NCOA3: variants seen among roughly 807,000 people sequenced by gnomAD.
NCOA3 encodes the protein nuclear receptor coactivator 3, also known as CBP-interacting protein.
NCOA3 carries 51 observed loss-of-function variants against 158.8 expected under a neutral mutation model. The ratio of observed to expected loss-of-function variants is 0.32; its 90% CI spans 0.26 to 0.41. The LOEUF (loss-of-function observed/expected upper bound fraction) is 0.41. Ranked by LOEUF, NCOA3 falls within the 10% of genes least tolerant of loss-of-function variation. NCOA3 has a pLI of 1.00. For missense variants in NCOA3, 1,510 were observed against 1,746.6 expected, an observed-to-expected ratio of 0.86 and a Z score of 2.41; for synonymous variants, 537 against 592.4, an observed-to-expected ratio of 0.91 and a Z score of 1.36.
intron 1 of NCOA3, among the ~76,000 whole-genome samples, chr20:47,531,379 G>C (rs116258477): frequency 4.0e-5 from 6 of 151,806 alleles, no homozygotes; most frequent in African/African-American, 1.5e-4. Flanking sequence ...AGAAATTGGG[G>C]AATTCAAGAT....
Position 47,637,290 on chromosome 20 carries a change from T to C in NCOA3, c.2377-358T>C, listed in dbSNP as rs558641360. Among the ~76,000 whole-genome samples, 159 of 152,336 alleles carry C rather than the reference T, an allele frequency of 1.0e-3. 1 individual carries two copies. Among genetic ancestry groups the C allele is most frequent in the Admixed American group, 3.1e-3 (47 of 15,306 alleles). On this transcript the variant is annotated intron_variant, in intron 12 of 22. Coordinates refer to ENST00000371998, the MANE Select transcript of NCOA3 (RefSeq NM_181659.3). ...TATGAACATCCCAGCTTGCTCCTTT[T>C]ATTATTAATCACACTTATTTTCAGA...
intron 2 of NCOA3, among the ~76,000 whole-genome samples, chr20:47,614,187 AT>A (rs2086094769): frequency 6.6e-6 from 1 of 152,172 alleles, no homozygotes; most frequent in African/African-American, 2.4e-5. Flanking sequence ...AAGGGTATGA[AT>A]GACGGATTGA....
At chr20:47,523,061 CT>C (rs1165066809) in intron 1 of NCOA3, among the ~76,000 whole-genome samples, 2 of 151,878 alleles carry the variant, frequency 1.3e-5, no homozygotes, top group African/African-American at 4.9e-5. Context: ...TGGCCTACAC[CT>C]GTAGTCCCAG....
rs115591324 is a variant in NCOA3 at position 47,524,139 on chromosome 20, A to G, written c.-99+22120A>G. Among the ~76,000 whole-genome samples, 755 of 152,354 alleles carry G rather than the reference A, an allele frequency of 5.0e-3. 8 individuals carry two copies. Among genetic ancestry groups the G allele is most frequent in the African/African-American group, 0.017 (717 of 41,582 alleles). On this transcript the variant is annotated intron_variant, in intron 1 of 22. Coordinates refer to ENST00000371998, the MANE Select transcript of NCOA3 (RefSeq NM_181659.3). Reference sequence around the variant, plus strand: ...GACATTTTACTCCTGTTAAAAGCAGAAACTTCCTGTTCCCAGAAGAGGCCT... The same window carrying G: ...GACATTTTACTCCTGTTAAAAGCAGGAACTTCCTGTTCCCAGAAGAGGCCT...
At chr20:47,602,000 C>T (rs538294845) in intron 2 of NCOA3, among the ~76,000 whole-genome samples, 1 of 152,274 alleles carries the variant, frequency 6.6e-6, no homozygotes, top group South Asian at 2.1e-4. Context: ...ATATATTTTC[C>T]ATCATGTATT....
Position 47,639,605 on chromosome 20 carries a change from T to C in NCOA3, c.2736T>C (p.Thr912=). ...GGCCAAACCGAAATGTGACTGTGAC[T>C]CAGACTCCTTCCTCAGGAGACTGGG... is the stretch of plus-strand genomic sequence containing the variant. ...MGGPNRNVTV[T]QTPSSGDWGL... is the part of the protein sequence containing the mutation. Residue 912 remains threonine (T), a synonymous_variant, in exon 15 of 23, where the codon ACT becomes ACC. Transcript: ENST00000371998. The C allele has an allele frequency of 6.2e-7, 1 of 1,613,756 alleles. No individual in the cohort carries two copies.
Position 47,638,990 on chromosome 20 carries a change from G to T in NCOA3, c.2513-18G>T, listed in dbSNP as rs761800169. On this transcript the variant is annotated intron_variant, in intron 13 of 22. Coordinates refer to ENST00000371998, the MANE Select transcript of NCOA3 (RefSeq NM_181659.3). Reference sequence around the variant, plus strand: ...TATTAAATCACGAAGAAATGTTTTTGTATTGTGTTTTCAACAGGTTTGAAA... The same window carrying T: ...TATTAAATCACGAAGAAATGTTTTTTTATTGTGTTTTCAACAGGTTTGAAA... 1 of 1,562,026 alleles carries T rather than the reference G, an allele frequency of 6.4e-7. No individual in the cohort carries two copies. Among genetic ancestry groups the T allele is most frequent in the South Asian group, 1.2e-5 (1 of 82,950 alleles).
At chr20:47,632,260 G>T (rs1202160197) in intron 8 of NCOA3, among the ~76,000 whole-genome samples, 1 of 152,212 alleles carries the variant, frequency 6.6e-6, no homozygotes, top group Non-Finnish European at 1.5e-5. Flanking sequence ...AAATGTATAG[G>T]AGAAGGTATT....
chr20:47,536,910 TCTC>T (rs1473454695), intron 1 of NCOA3, among the ~76,000 whole-genome samples: 1 of 151,714 alleles, frequency 6.6e-6, no homozygotes, highest in Non-Finnish European at 1.5e-5. Flanking sequence ...TTCAAGCAAT[TCTC>T]CTGCCTCAGC....
At chr20:47,568,723 G>A (rs2085240658) in intron 1 of NCOA3, among the ~76,000 whole-genome samples, 1 of 151,866 alleles carries the variant, frequency 6.6e-6, no homozygotes, top group African/African-American at 2.4e-5. Flanking sequence ...TTGAACCTGG[G>A]AGGCAGAAGC....
Position 47,507,188 on chromosome 20 carries a change from G to A in NCOA3, c.-99+5169G>A, listed in dbSNP as rs80153186. On this transcript the variant is annotated intron_variant, in intron 1 of 22. Coordinates refer to ENST00000371998, the MANE Select transcript of NCOA3 (RefSeq NM_181659.3). ...AAATCCCATTATAACGAACTCCAGG[G>A]GACTGGCCAAATTATTTTGTTGTAC... 7.4e-3 allele frequency among the ~76,000 whole-genome samples: 1,124 copies of A among 152,162 alleles called. 15 individuals carry two copies. Among genetic ancestry groups the A allele is most frequent in the African/African-American group, 0.026 (1,062 of 41,494 alleles).
chr20:47,576,054 T>C (rs957365521), intron 1 of NCOA3, among the ~76,000 whole-genome samples: 1 of 152,208 alleles, frequency 6.6e-6, no homozygotes, highest in African/African-American at 2.4e-5. Context: ...AGGGAGCAGT[T>C]GTACCTACTG....
At chr20:47,554,622 A>G (rs2084973564) in intron 1 of NCOA3, among the ~76,000 whole-genome samples, 1 of 151,836 alleles carries the variant, frequency 6.6e-6, no homozygotes. Context: ...TTCAAAGAGA[A>G]TAAAATACCT....
chr20:47,548,128 G>A (rs2084863240), intron 1 of NCOA3, among the ~76,000 whole-genome samples: 3 of 152,082 alleles, frequency 2.0e-5, no homozygotes, highest in Admixed American at 1.3e-4. Flanking sequence ...GTTAAATAAA[G>A]TTAGGGTGAT....
chr20:47,650,913 G>A, intron 19 of NCOA3, 69 bp from the exon 20 acceptor site: 2 of 1,412,194 alleles, frequency 1.4e-6, no homozygotes. Context: ...GTATTGTGGG[G>A]GTACTATATG....
intron 1 of NCOA3, among the ~76,000 whole-genome samples, chr20:47,528,859 C>T (rs931137248): frequency 6.6e-6 from 1 of 152,126 alleles, no homozygotes; most frequent in Non-Finnish European, 1.5e-5. Flanking sequence ...CTGCAACCTC[C>T]GCTTCCTGGG....
intron 13 of NCOA3, among the ~76,000 whole-genome samples, chr20:47,638,546 GAAA>G: frequency 6.6e-6 from 1 of 152,020 alleles, no homozygotes; most frequent in Middle Eastern, 3.4e-3. Context: ...GAGTGGGGGG[GAAA>G]AAAAGAAGGT....
chr20:47,567,486 C>T (rs578074062), intron 1 of NCOA3, among the ~76,000 whole-genome samples: 10 of 152,050 alleles, frequency 6.6e-5, no homozygotes, highest in African/African-American at 1.7e-4. Flanking sequence ...CACTCAACCT[C>T]GAACTCCTGG....
intron 1 of NCOA3, among the ~76,000 whole-genome samples, chr20:47,524,535 T>C (rs2084395694): frequency 1.3e-5 from 2 of 152,072 alleles, no homozygotes. Context: ...CTCATGCCAG[T>C]TTAGATAAAA....
Sources: gnomAD v4.1 joint callset for allele counts (sites outside exome capture counted in the v4.1 genomes callset) on GRCh38, gnomAD v4.1.1 for gene constraint, MANE v1.5 for transcripts, NCBI Gene and HGNC (gene_info 2026-07-23, HGNC 2026-07-21) for gene names.